The following STAB2 variants were observed in gnomAD, a reference collection of about 807,000 sequenced individuals.
The protein encoded by STAB2 is stabilin 2.
STAB2 carries 288 observed loss-of-function variants against 338.1 expected under a neutral mutation model. The ratio of observed to expected loss-of-function variants is 0.85; its 90% CI spans 0.77 to 0.94. The LOEUF (loss-of-function observed/expected upper bound fraction) is 0.94. Among genes scored for constraint, STAB2 ranks in the 40% least tolerant of loss-of-function variants. STAB2 has a pLI of 0.00. For synonymous variants in STAB2, 1,202 were observed against 1,193.3 expected, an observed-to-expected ratio of 1.01 and a Z score of -0.15; for missense variants, 3,141 against 3,210.1, an observed-to-expected ratio of 0.98 and a Z score of 0.52.
At chr12:103,604,606 T>G (rs2138574398) in intron 3 of STAB2, among the ~76,000 whole-genome samples, 1 of 152,132 alleles carries the variant, frequency 6.6e-6, no homozygotes, top group South Asian at 2.1e-4. Context: ...TCAATACATT[T>G]GTCCATTTTA....
At chr12:103,615,643 G>A (rs999534907) in intron 3 of STAB2, among the ~76,000 whole-genome samples, 8 of 152,178 alleles carry the variant, frequency 5.3e-5, no homozygotes, top group Non-Finnish European at 1.0e-4. Flanking sequence ...ACACTGCTAT[G>A]AAGAAATACC....
intron 33 of STAB2, among the ~76,000 whole-genome samples, chr12:103,697,809 A>C (rs1878530374): frequency 6.6e-6 from 1 of 152,228 alleles, no homozygotes; most frequent in African/African-American, 2.4e-5. Flanking sequence ...ATGACCCCTA[A>C]AGCTAGGAGA....
intron 9 of STAB2, among the ~76,000 whole-genome samples, chr12:103,642,707 G>T (rs1873015055): frequency 1.3e-5 from 2 of 152,152 alleles, no homozygotes; most frequent in Non-Finnish European, 2.9e-5. Context: ...CTACTCCAGG[G>T]CAAGGAATCT....
intron 3 of STAB2, among the ~76,000 whole-genome samples, chr12:103,600,702 G>A: frequency 6.6e-6 from 1 of 152,246 alleles, no homozygotes. Context: ...GGCTGGGCCA[G>A]GGTGAAGCAC....
In STAB2 at chr12:103,753,196, CGATT is replaced by C. The variant is rs760344333; in HGVS notation, c.6581-23_6581-20del. 3 of 1,612,638 alleles carry C rather than the reference CGATT, an allele frequency of 1.9e-6. No individual in the cohort carries two copies. The South Asian group carries it at 3.3e-5, about 18-fold the overall frequency. Reference sequence around the variant, plus strand: ...TGCCAACCTGGTGGGCTGACCTGGGCGATTCCTCCTCTTCCTCATCCAGATACCA... The same window carrying C: ...TGCCAACCTGGTGGGCTGACCTGGGCCCTCCTCTTCCTCATCCAGATACCA... On this transcript the variant is annotated intron_variant, in intron 60 of 68. Transcript: ENST00000388887.
chr12:103,606,234 T>C (rs1957025905), intron 3 of STAB2, among the ~76,000 whole-genome samples: 1 of 152,198 alleles, frequency 6.6e-6, no homozygotes, highest in Non-Finnish European at 1.5e-5. Context: ...CACCACTCTA[T>C]GCACAAGAAT....
intron 3 of STAB2, among the ~76,000 whole-genome samples, chr12:103,597,074 T>C (rs537701875): frequency 6.6e-6 from 1 of 151,980 alleles, no homozygotes; most frequent in Non-Finnish European, 1.5e-5. Context: ...TGGACATTAT[T>C]TCTACTGTCC....
In STAB2 at chr12:103,712,378, A is replaced by G. The variant is rs1260781296; in HGVS notation, c.4346A>G (p.Asn1449Ser). 2.5e-6 allele frequency: 4 copies of G among 1,613,912 alleles called. No individual in the cohort carries two copies. Among genetic ancestry groups the G allele is most frequent in the Admixed American group, 1.7e-5 (1 of 60,016 alleles). Residue 1449 changes from asparagine (N) to serine (S), a missense_variant, in exon 41 of 69, where the codon AAC (asparagine) becomes AGC (serine). By Grantham distance (46) the Asn-to-Ser change is conservative. Transcript: ENST00000388887. ...TCHTSANCLT[N>S]SDGTASCKCA... ...CTTCCTTGTTGCAGCTGCCTCACCA[A>G]CTCAGATGGTACAGCTTCATGCAAG...
At position 103,620,461 on chromosome 12, in the gene STAB2, T is replaced by G; in HGVS notation, c.332-7T>G. 1 of 1,574,476 alleles carries G rather than the reference T, an allele frequency of 6.4e-7. No homozygotes were observed. The highest frequency in any genetic ancestry group is 8.6e-7 in the Non-Finnish European group (1 of 1,158,584). ...AATGAATACATCTGAGCTGTTTGAT[T>G]CCCTAGAGTGCCCAGGTGGAGCGGG... On this transcript the variant is annotated splice_region_variant and splice_polypyrimidine_tract_variant and intron_variant, in intron 3 of 68. Transcript: ENST00000388887.
At chr12:103,641,694 A>G (rs181073125) in intron 9 of STAB2, among the ~76,000 whole-genome samples, 1 of 152,346 alleles carries the variant, frequency 6.6e-6, no homozygotes, top group Admixed American at 6.5e-5. Context: ...GTTTGAGAAG[A>G]TAAAATCTAA....
chr12:103,682,021 G>T (rs1876958038), intron 25 of STAB2, among the ~76,000 whole-genome samples: 1 of 152,090 alleles, frequency 6.6e-6, no homozygotes, highest in Admixed American at 6.5e-5. Context: ...CTGGAGGTCA[G>T]GACTTCAACA....
chr12:103,742,313 A>C, intron 55 of STAB2, 92 bp from the exon 56 acceptor site: 1 of 1,532,918 alleles, frequency 6.5e-7, no homozygotes. Flanking sequence ...CTCTGGGCTA[A>C]CAGAAGTCAG....
chr12:103,715,212 C>T (rs940664202), intron 42 of STAB2, among the ~76,000 whole-genome samples: 12 of 152,188 alleles, frequency 7.9e-5, no homozygotes, highest in African/African-American at 2.9e-4. Flanking sequence ...GATATTGCAT[C>T]TGTCTCAGGG....
Position 103,670,692 on chromosome 12 carries a change from C to T in STAB2, c.2260-4C>T. ...TGGCCCATGGGCCCTGCCTTTGCTC[C>T]CAGTGTGCAGATAGCCTCGGCGGCA... On this transcript the variant is annotated splice_region_variant and splice_polypyrimidine_tract_variant and intron_variant, in intron 21 of 68. Transcript: ENST00000388887. The T allele has an allele frequency of 1.9e-6, 3 of 1,613,314 alleles. No homozygotes were observed. The highest frequency in any genetic ancestry group is 2.5e-6 in the Non-Finnish European group (3 of 1,179,514).
At chr12:103,729,214 A>T (rs535888453) in intron 48 of STAB2, among the ~76,000 whole-genome samples, 9 of 152,168 alleles carry the variant, frequency 5.9e-5, no homozygotes, top group Non-Finnish European at 1.2e-4. Flanking sequence ...GGAGAGTGGG[A>T]GGAGGGAGAG....
intron 5 of STAB2, among the ~76,000 whole-genome samples, chr12:103,623,196 C>T (rs1422437212): frequency 6.6e-6 from 1 of 152,110 alleles, no homozygotes; most frequent in Non-Finnish European, 1.5e-5. Context: ...CCTGATGCCC[C>T]AGGGAGCTCT....
At chr12:103,600,932 G>T (rs563106785) in intron 3 of STAB2, among the ~76,000 whole-genome samples, 16 of 103,354 alleles carry the variant, frequency 1.5e-4, no homozygotes, top group Non-Finnish European at 3.0e-4. Context: ...AAAATATGAA[G>T]AGAAATTATT....
intron 3 of STAB2, among the ~76,000 whole-genome samples, chr12:103,614,015 C>G (rs1185572325): frequency 6.6e-6 from 1 of 152,118 alleles, no homozygotes; most frequent in Non-Finnish European, 1.5e-5. Flanking sequence ...GCTTATTTCT[C>G]TACCTTCTTG....
intron 60 of STAB2, among the ~76,000 whole-genome samples, chr12:103,752,521 G>T (rs1883756707): frequency 6.6e-6 from 1 of 152,182 alleles, no homozygotes; most frequent in Admixed American, 6.5e-5. Context: ...GTTAGGAAAG[G>T]TATCAGCTAT....
Sources: gnomAD v4.1 joint callset for allele counts (sites outside exome capture counted in the v4.1 genomes callset) on GRCh38, gnomAD v4.1.1 for gene constraint, MANE v1.5 for transcripts, NCBI Gene and HGNC (gene_info 2026-07-23, HGNC 2026-07-21) for gene names.